Variants in MFSD2A observed in about 807,000 individuals in gnomAD.
The protein encoded by MFSD2A is MFSD2 lysolipid transporter A, lysophospholipid, also known as sodium-dependent lysophosphatidylcholine symporter 1.
In MFSD2A, 27 loss-of-function variants were observed where a neutral mutation model predicts 64.7. The observed-to-expected ratio is 0.42, with a 90% CI of 0.31 to 0.58. MFSD2A has a LOEUF of 0.58. MFSD2A is among the 20% of genes least tolerant of loss of function. The probability of loss-of-function intolerance (pLI) is 0.18; values close to 1 mark genes in which losing one functional copy is unlikely to be tolerated. For synonymous variants in MFSD2A, 258 were observed against 273.4 expected (o/e 0.94, Z 0.55); for missense variants, 474 against 679.5 (o/e 0.70, Z 3.36).
At chr1:39,957,561 G>A (rs948663595) in intron 2 of MFSD2A, among the ~76,000 whole-genome samples, 3 of 152,244 alleles carry the variant, frequency 2.0e-5, no homozygotes, top group Non-Finnish European at 4.4e-5. Flanking sequence ...TCCTGGCTGG[G>A]AGATAGTCAG....
chr1:39,962,622 C>T (rs750105556), intron 3 of MFSD2A: 7 of 824,026 alleles, frequency 8.5e-6, no homozygotes, highest in South Asian at 2.9e-5. Context: ...TGGTGCCTTC[C>T]GCGGAGGTTT....
intron 9 of MFSD2A, 176 bp downstream of exon 9, chr1:39,967,345 GT>G: frequency 1.5e-6 from 1 of 650,598 alleles, no homozygotes; most frequent in African/African-American, 1.8e-5. Flanking sequence ...GAAAGAAAGA[GT>G]TTGAGGTTAG....
At chr1:39,966,401 G>A (rs1300461322) in intron 6 of MFSD2A, among the ~76,000 whole-genome samples, 200 bp from the exon 7 acceptor site, 1 of 152,152 alleles carries the variant, frequency 6.6e-6, no homozygotes, top group Admixed American at 6.5e-5. Context: ...CCTGGTTTCT[G>A]AGCATGTTGT....
rs1645242966 is a variant in MFSD2A at position 39,969,758 on chromosome 1, T to A, written c.*190T>A. On this transcript the variant is annotated 3_prime_UTR_variant, in exon 14 of 14. Coordinates refer to ENST00000372811, the MANE Select transcript of MFSD2A (RefSeq NM_032793.5). ...TGTGGCCTCCTGCCTCCCCTCTGCC[T>A]GCCTGTGGGGCCAAGCCCTGGGGCT... The A allele has an allele frequency of 6.7e-6, 4 of 595,486 alleles. No homozygotes were observed. The Admixed American group carries it at 1.1e-4, about 16-fold the overall frequency. 36.9% of individuals were successfully genotyped at this position (595,486 alleles called of 1,614,324 possible). A position where few individuals can be genotyped will look rare whatever the true frequency, so the allele number is the denominator to read the frequency against.
In MFSD2A at chr1:39,965,601, A is replaced by G; in HGVS notation, c.556+52A>G. The G allele has an allele frequency of 6.4e-7, 1 of 1,570,424 alleles. No homozygotes were observed. The highest frequency in any genetic ancestry group is 1.4e-5 in the African/African-American group (1 of 73,986). On this transcript the variant is annotated intron_variant, in intron 5 of 13. Coordinates refer to ENST00000372811, the MANE Select transcript of MFSD2A (RefSeq NM_032793.5). The surrounding 1 kb of genome is among the most constrained non-coding windows in gnomAD (Gnocchi z 5.5). ...CACCCTCCAGGGACCCTCCAGCCATACTTCTTCCCTTGCGGGTCCAGCTCT... is the reference window on the plus strand; with the variant it reads ...CACCCTCCAGGGACCCTCCAGCCATGCTTCTTCCCTTGCGGGTCCAGCTCT...
At position 39,965,394 on chromosome 1, in the gene MFSD2A, G is replaced by A. The variant is rs562319733; in HGVS notation, c.477+60G>A. ...GGCCGGGAGGAGGGCGGTCCTTGGG[G>A]CCCCCAGGGTTGGTACTGGAAGCTA... On this transcript the variant is annotated intron_variant, in intron 4 of 13. Coordinates refer to ENST00000372811, the MANE Select transcript of MFSD2A (RefSeq NM_032793.5). The surrounding 1 kb of genome is among the most constrained non-coding windows in gnomAD (Gnocchi z 5.5). 2.5e-6 allele frequency: 4 copies of A among 1,613,358 alleles called. No homozygotes were observed. In the African/African-American group the frequency reaches 5.3e-5, roughly 22 times the overall value.
chr1:39,959,028 A>C (rs544817236), intron 3 of MFSD2A, among the ~76,000 whole-genome samples: 11 of 152,156 alleles, frequency 7.2e-5, no homozygotes, highest in African/African-American at 2.6e-4. Flanking sequence ...TTTCCAGGAC[A>C]GCCAAAGTGC....
rs1417197637 is a variant in MFSD2A, at chr1:39,955,332, G to T, written c.40G>T (p.Gly14Trp). 6.2e-6 allele frequency: 9 copies of T among 1,447,990 alleles called. No individual in the cohort carries two copies. The highest frequency in any genetic ancestry group is 2.6e-5 in the East Asian group (1 of 37,866). 89.7% of individuals were successfully genotyped at this position (1,447,990 alleles called of 1,614,324 possible). A position where few individuals can be genotyped will look rare whatever the true frequency, so the allele number is the denominator to read the frequency against. Residue 14 changes from glycine to tryptophan, a missense_variant, in exon 1 of 14, where the codon GGG becomes TGG. By Grantham distance (184) the Gly-to-Trp change is radical (BLOSUM62 -2). Transcript: ENST00000372811. The surrounding 1 kb of genome is among the most constrained non-coding windows in gnomAD (Gnocchi z 5.9). Reference sequence around the variant, plus strand: ...AGGCGCCGAGAGCGGCTCCGCGGCGGGGCTGCTACCCACCAGCATCCTCCA... The same window carrying T: ...AGGCGCCGAGAGCGGCTCCGCGGCGTGGCTGCTACCCACCAGCATCCTCCA... ...GEGAESGSAA[G>W]LLPTSILQST...
Position 39,963,077 on chromosome 1 carries a change from C to T in MFSD2A, c.354-2134C>T. The T allele has an allele frequency of 4.3e-6, 6 of 1,385,264 alleles. No individual in the cohort carries two copies. Among genetic ancestry groups the T allele is most frequent in the Non-Finnish European group, 6.0e-6 (6 of 1,003,282 alleles). 85.8% of individuals were successfully genotyped at this position (1,385,264 alleles called of 1,614,324 possible). A position where few individuals can be genotyped will look rare whatever the true frequency, so the allele number is the denominator to read the frequency against. On this transcript the variant is annotated intron_variant, in intron 3 of 13. Transcript: ENST00000372811. This position sits in a 1 kb window ranked among gnomAD's most constrained non-coding sequence, Gnocchi z 4.2. ...ACTGGGGGAACAAGATCAGCAAGCC[C>T]CACACCGTCCCTTGCAAGGTGACAG...
rs560957911 is a variant in MFSD2A at position 39,963,163 on chromosome 1, C to T, written c.354-2048C>T. On this transcript the variant is annotated intron_variant, in intron 3 of 13. Transcript: ENST00000372811. This position sits in a 1 kb window ranked among gnomAD's most constrained non-coding sequence, Gnocchi z 4.2. ...GCACCCAGGAGCACTGGCATCGTCT[C>T]CACACCTGTGCCCAAGAAGCTGCTC... The T allele has an allele frequency of 6.7e-7, 1 of 1,503,632 alleles. No individual in the cohort carries two copies. Among genetic ancestry groups the T allele is most frequent in the East Asian group, 2.3e-5 (1 of 43,966 alleles). 93.1% of individuals were successfully genotyped at this position (1,503,632 alleles called of 1,614,324 possible). A position where few individuals can be genotyped will look rare whatever the true frequency, so the allele number is the denominator to read the frequency against.
intron 6 of MFSD2A, 48 bp from the exon 7 acceptor site, chr1:39,966,553 A>C: frequency 6.7e-7 from 1 of 1,501,484 alleles, no homozygotes; most frequent in Non-Finnish European, 9.2e-7. Flanking sequence ...GGGTGCTGGG[A>C]TGAGCTCAAA....
Position 39,965,443 on chromosome 1 carries a change from C to G in MFSD2A, c.478-28C>G, listed in dbSNP as rs2124774888. ...TACATCAGTGTGTCCACCCGCCTGA[C>G]CAGCCAATGACCTGTCTTCTATGCC... is the stretch of plus-strand genomic sequence containing the variant. On this transcript the variant is annotated intron_variant, in intron 4 of 13. Coordinates refer to ENST00000372811, the MANE Select transcript of MFSD2A (RefSeq NM_032793.5). This position sits in a 1 kb window ranked among gnomAD's most constrained non-coding sequence, Gnocchi z 5.5. 6.2e-7 allele frequency: 1 copy of G among 1,613,816 alleles called. No homozygotes were observed. Among genetic ancestry groups the G allele is most frequent in the Non-Finnish European group, 8.5e-7 (1 of 1,179,784 alleles).
intron 6 of MFSD2A, 39 bp from the exon 7 acceptor site, chr1:39,966,562 A>G: frequency 6.4e-7 from 1 of 1,567,080 alleles, no homozygotes; most frequent in Non-Finnish European, 8.7e-7. Context: ...GATGAGCTCA[A>G]ACTGACCATC....
rs546321615 is a variant in MFSD2A at position 39,956,802 on chromosome 1, G to A, written c.94-285G>A. On this transcript the variant is annotated intron_variant, in intron 1 of 13. Transcript: ENST00000372811. Reference sequence around the variant, plus strand: ...GTGGTAGTGGGTGCCTGTAGTCCCAGCTACTTGGGAGGCTGAGGCAGGAGA... The same window carrying A: ...GTGGTAGTGGGTGCCTGTAGTCCCAACTACTTGGGAGGCTGAGGCAGGAGA... Among the ~76,000 whole-genome samples the A allele has an allele frequency of 9.3e-5, 14 of 151,328 alleles. No individual in the cohort carries two copies. In the South Asian group the frequency reaches 2.9e-3, roughly 32 times the overall value.
Position 39,955,526 on chromosome 1 carries a change from G to A in MFSD2A, c.93+141G>A, listed in dbSNP as rs1400025181. 2.2e-6 allele frequency: 2 copies of A among 909,430 alleles called. No individual in the cohort carries two copies. Among genetic ancestry groups the A allele is most frequent in the Non-Finnish European group, 3.5e-6 (2 of 576,910 alleles). 56.3% of individuals were successfully genotyped at this position (909,430 alleles called of 1,614,324 possible). On this transcript the variant is annotated intron_variant, in intron 1 of 13. Transcript: ENST00000372811. The surrounding 1 kb of genome is among the most constrained non-coding windows in gnomAD (Gnocchi z 5.9). The stretch of plus-strand genomic sequence containing the variant: ...AAGCCTACGAGCCAGAGAGGACCTG[G>A]GGGTGCCCTGGGACAGGGGGTGACG...
At position 39,965,342 on chromosome 1, in the gene MFSD2A, T is replaced by G; in HGVS notation, c.477+8T>G. 2 of 1,614,086 alleles carry G rather than the reference T, an allele frequency of 1.2e-6. No homozygotes were observed. Among genetic ancestry groups the G allele is most frequent in the Non-Finnish European group, 1.7e-6 (2 of 1,180,010 alleles). On this transcript the variant is annotated splice_region_variant and intron_variant, in intron 4 of 13. Transcript: ENST00000372811. The surrounding 1 kb of genome is among the most constrained non-coding windows in gnomAD (Gnocchi z 5.5). ...TTTGAAACAATGGTCACGGTGAGTG[T>G]GGGTACCTCCCTTGGGTGTCTCTAG...
In MFSD2A at chr1:39,966,933, G is replaced by T; in HGVS notation, c.927+1G>T. 6.2e-7 allele frequency: 1 copy of T among 1,613,212 alleles called. No homozygotes were observed. Among genetic ancestry groups the T allele is most frequent in the Non-Finnish European group, 8.5e-7 (1 of 1,180,030 alleles). On this transcript the variant is annotated splice_donor_variant, in intron 8 of 13. Transcript: ENST00000372811. LOFTEE classifies it high-confidence loss of function. ...CCTCTTCACCTCCTTGGCTTTCATG[G>T]TGAGTGGGTTCTGACATGCTCAGCC...
chr1:39,960,150 G>A lies in MFSD2A; in HGVS notation c.353+1325G>A, dbSNP rs925433121. 6.6e-6 allele frequency among the ~76,000 whole-genome samples: 1 copy of A among 152,244 alleles called. No homozygotes were observed. Among genetic ancestry groups the A allele is most frequent in the Non-Finnish European group, 1.5e-5 (1 of 68,038 alleles). ...GTAGGCGGAGGTGGTGCCACGGATC[G>A]GATCAGACGGCAGGGGAGACGCACA... On this transcript the variant is annotated intron_variant, in intron 3 of 13. Transcript: ENST00000372811. The surrounding 1 kb of genome is among the most constrained non-coding windows in gnomAD (Gnocchi z 4.8).
chr1:39,966,477 G>A (rs2124777187), intron 6 of MFSD2A, 124 bp from the exon 7 acceptor site: 3 of 764,754 alleles, frequency 3.9e-6, no homozygotes, highest in Non-Finnish European at 6.6e-6. Flanking sequence ...TTTCACACAT[G>A]GAGACAGTAC....
Sources: gnomAD v4.1 joint callset for allele counts (sites outside exome capture counted in the v4.1 genomes callset) on GRCh38, gnomAD v4.1.1 for gene constraint, Gnocchi (gnomAD v3.1) non-coding constraint, MANE v1.5 for transcripts, NCBI Gene and HGNC (gene_info 2026-07-23, HGNC 2026-07-21) for gene names.